USP32: variants seen among roughly 807,000 people sequenced by gnomAD.
The protein encoded by USP32 is ubiquitin carboxyl-terminal hydrolase 32.
In USP32, 59 loss-of-function variants were observed where a neutral mutation model predicts 204.8. The ratio of observed to expected loss-of-function variants is 0.29; its 90% CI spans 0.23 to 0.36. The LOEUF is 0.36. Ranked by LOEUF, USP32 falls within the 10% of genes least tolerant of loss-of-function variation. The probability of loss-of-function intolerance (pLI) is 1.00; values close to 1 mark genes in which losing one functional copy is unlikely to be tolerated. For synonymous variants in USP32, 517 were observed against 678.4 expected, an observed-to-expected ratio of 0.76 and a Z score of 3.70; for missense variants, 1,160 against 1,946.4, an observed-to-expected ratio of 0.60 and a Z score of 7.60.
At chr17:60,330,886 C>A (rs1017116982) in intron 2 of USP32, among the ~76,000 whole-genome samples, 3 of 152,138 alleles carry the variant, frequency 2.0e-5, no homozygotes, top group African/African-American at 7.2e-5. Flanking sequence ...CCTAACCCAG[C>A]CCTCACCCTT....
At chr17:60,223,307 T>C in intron 14 of USP32, 104 bp downstream of exon 14, 2 of 915,326 alleles carry the variant, frequency 2.2e-6, no homozygotes, top group South Asian at 3.1e-5. Context: ...AATACAGTAA[T>C]TAAATGAACC....
intron 2 of USP32, among the ~76,000 whole-genome samples, chr17:60,312,531 T>C (rs528128831): frequency 6.6e-6 from 1 of 150,948 alleles, no homozygotes; most frequent in Admixed American, 6.6e-5. Context: ...GCTCAAGTGA[T>C]CCTCCCAAGA....
At chr17:60,421,609 T>C in intron 1 of USP32, 1 of 980,552 alleles carries the variant, frequency 1.0e-6, no homozygotes. Context: ...CAACGGTCTC[T>C]CGTCGCCGGG....
At chr17:60,313,853 G>A (rs1163477644) in intron 2 of USP32, among the ~76,000 whole-genome samples, 3 of 151,624 alleles carry the variant, frequency 2.0e-5, no homozygotes, top group Admixed American at 6.6e-5. Context: ...ACAAATTCAG[G>A]TACTTATAAC....
intron 2 of USP32, among the ~76,000 whole-genome samples, chr17:60,311,579 T>G (rs1201522354): frequency 1.3e-5 from 2 of 152,142 alleles, no homozygotes; most frequent in African/African-American, 4.8e-5. Flanking sequence ...TCCCAACACT[T>G]TGGGAGGCCG....
In USP32 at chr17:60,227,335, T is replaced by C. The variant is rs1292607788; in HGVS notation, c.1240-1104A>G. Among the ~76,000 whole-genome samples the C allele has an allele frequency of 1.0e-4, 15 of 150,410 alleles. No homozygotes were observed. In the Admixed American group the frequency reaches 1.0e-3, roughly 10 times the overall value. Reference sequence around the variant, plus strand: ...CCCAGGCTAGAGTGCAGTGGCGTGATCTCGGGTCACTGCAACCTCCACCTC... The same window carrying C: ...CCCAGGCTAGAGTGCAGTGGCGTGACCTCGGGTCACTGCAACCTCCACCTC... On this transcript the variant is annotated intron_variant, in intron 12 of 33. Coordinates refer to ENST00000300896, the MANE Select transcript of USP32 (RefSeq NM_032582.4).
chr17:60,352,251 G>A (rs1219175070), intron 1 of USP32, among the ~76,000 whole-genome samples: 5 of 152,196 alleles, frequency 3.3e-5, no homozygotes, highest in Non-Finnish European at 7.3e-5. Flanking sequence ...GGTAACAGCT[G>A]GCAAATATCC....
intron 12 of USP32, among the ~76,000 whole-genome samples, chr17:60,227,065 AT>A (rs57025255): frequency 1.4e-5 from 2 of 145,302 alleles, no homozygotes; most frequent in Admixed American, 6.9e-5. Flanking sequence ...AAAAAATCAT[AT>A]TTTTTTCTTT....
intron 26 of USP32, among the ~76,000 whole-genome samples, chr17:60,200,149 G>A (rs1365619137): frequency 1.3e-5 from 2 of 151,544 alleles, no homozygotes; most frequent in African/African-American, 2.4e-5. Context: ...AGCCGAGATC[G>A]TGCCATTGCA....
chr17:60,300,376 G>C (rs757291832), intron 3 of USP32, among the ~76,000 whole-genome samples: 2 of 151,026 alleles, frequency 1.3e-5, no homozygotes, highest in Non-Finnish European at 1.5e-5. Context: ...CCACGAAACA[G>C]ACGGACACTA....
At chr17:60,379,062 T>C (rs868064250) in intron 1 of USP32, among the ~76,000 whole-genome samples, 10 of 152,276 alleles carry the variant, frequency 6.6e-5, no homozygotes, top group African/African-American at 1.9e-4. Flanking sequence ...TTTACAATAA[T>C]CCTAGTAAGA....
intron 13 of USP32, 119 bp downstream of exon 13, chr17:60,225,920 C>T: frequency 8.6e-7 from 1 of 1,156,606 alleles, no homozygotes; most frequent in South Asian, 1.6e-5. Context: ...CGCCACTGCG[C>T]TCCAGCCTGG....
intron 1 of USP32, among the ~76,000 whole-genome samples, chr17:60,420,245 C>T (rs1305740692): frequency 6.6e-6 from 1 of 151,956 alleles, no homozygotes; most frequent in East Asian, 1.9e-4. Context: ...CCACCCACCT[C>T]GGCCTCTCAA....
At chr17:60,383,312 ATATAG>A (rs557795062) in intron 1 of USP32, among the ~76,000 whole-genome samples, 76 of 152,082 alleles carry the variant, frequency 5.0e-4, no homozygotes, top group Non-Finnish European at 9.3e-4. Context: ...AGGTGGATAC[ATATAG>A]TATAACTCGA....
intron 27 of USP32, among the ~76,000 whole-genome samples, chr17:60,197,076 G>A (rs2145433787): frequency 6.6e-6 from 1 of 151,616 alleles, no homozygotes; most frequent in Non-Finnish European, 1.5e-5. Context: ...AGCTACTCAG[G>A]TGTCTGAGGC....
intron 2 of USP32, among the ~76,000 whole-genome samples, chr17:60,325,807 T>C (rs932316727): frequency 6.6e-6 from 1 of 151,752 alleles, no homozygotes. Context: ...CACATGTCTG[T>C]AGTCCCAGCT....
chr17:60,314,540 G>GA (rs763240233), intron 2 of USP32, among the ~76,000 whole-genome samples: 2 of 151,332 alleles, frequency 1.3e-5, no homozygotes, highest in Non-Finnish European at 2.9e-5. Flanking sequence ...GTACGGTGAA[G>GA]AAAAAGAGCT....
chr17:60,208,252 T>G (rs1476056389), intron 23 of USP32, 42 bp from the exon 24 acceptor site: 1 of 1,545,494 alleles, frequency 6.5e-7, no homozygotes, highest in Non-Finnish European at 8.7e-7. Context: ...AATGCAGGTT[T>G]CATTGAAAGT....
intron 2 of USP32, among the ~76,000 whole-genome samples, chr17:60,338,962 A>G (rs1322315462): frequency 1.3e-5 from 2 of 151,732 alleles, no homozygotes; most frequent in Non-Finnish European, 2.9e-5. Flanking sequence ...CAGGCTGGAG[A>G]GCAGTGACGT....
Sources: allele counts gnomAD v4.1 joint callset (sites outside exome capture counted in the v4.1 genomes callset), GRCh38; gene constraint gnomAD v4.1.1; transcripts MANE v1.5; gene names NCBI Gene and HGNC (gene_info 2026-07-23, HGNC 2026-07-21).